ARHGAP26: variants seen among roughly 807,000 people sequenced by gnomAD.
ARHGAP26 encodes rho GTPase-activating protein 26.
A neutral mutation model predicts 104.8 loss-of-function variants in ARHGAP26; 38 were observed. The observed-to-expected ratio is 0.36, with a 90% confidence interval of 0.28 to 0.48. ARHGAP26 has a LOEUF of 0.48. Among genes scored for constraint, ARHGAP26 ranks in the 20% least tolerant of loss-of-function variants. The pLI, the probability that ARHGAP26 is intolerant of heterozygous loss-of-function variation, is 0.99. For missense variants in ARHGAP26, 704 were observed against 947.9 expected, an observed-to-expected ratio of 0.74 and a Z score of 3.38; for synonymous variants, 341 against 340.0, an observed-to-expected ratio of 1.00 and a Z score of -0.03.
intron 10 of ARHGAP26, among the ~76,000 whole-genome samples, chr5:142,925,718 C>T (rs1763814159): frequency 6.6e-6 from 1 of 152,186 alleles, no homozygotes; most frequent in African/African-American, 2.4e-5. Context: ...GCATAAGGGG[C>T]AGGTTTCAGA....
At chr5:143,195,480 GCCAATGCCCCTCAGC>G (rs1229093262) in intron 20 of ARHGAP26, among the ~76,000 whole-genome samples, 25 of 152,302 alleles carry the variant, frequency 1.6e-4, no homozygotes, top group African/African-American at 5.8e-4. Context: ...ATGCCAGAGA[GCCAATGCCCCTCAGC>G]CTGTGTTGTT....
At chr5:142,890,152 ATATATATATATATATAT>A (rs1203157666) in intron 5 of ARHGAP26, among the ~76,000 whole-genome samples, 242 of 21,950 alleles carry the variant, frequency 0.011, 18 homozygotes, top group African/African-American at 0.03. Flanking sequence ...AAAAAAAAAA[ATATATATATATATATAT>A]ATATATATAT....
intron 20 of ARHGAP26, among the ~76,000 whole-genome samples, chr5:143,184,531 C>T (rs1158397518): frequency 1.3e-5 from 2 of 152,132 alleles, no homozygotes; most frequent in East Asian, 3.9e-4. Flanking sequence ...TGCTATAATT[C>T]AGTGTTCAGA....
At chr5:142,805,262 C>T (rs954657159) in intron 1 of ARHGAP26, among the ~76,000 whole-genome samples, 19 of 152,180 alleles carry the variant, frequency 1.2e-4, no homozygotes, top group African/African-American at 4.6e-4. Flanking sequence ...GCCACCACAC[C>T]TGGCTAATTT....
intron 4 of ARHGAP26, among the ~76,000 whole-genome samples, chr5:142,885,068 A>G (rs1377957214): frequency 6.6e-6 from 1 of 152,158 alleles, no homozygotes; most frequent in Non-Finnish European, 1.5e-5. Context: ...CCACCATTAG[A>G]TATTCGTATT....
At chr5:143,149,101 C>T (rs1052356075) in intron 20 of ARHGAP26, among the ~76,000 whole-genome samples, 3 of 152,020 alleles carry the variant, frequency 2.0e-5, no homozygotes, top group South Asian at 2.1e-4. Flanking sequence ...TGTCTAGATA[C>T]GATTTATTTT....
chr5:143,173,230 G>A (rs761045529), intron 20 of ARHGAP26: 105 of 158,972 alleles, frequency 6.6e-4, no homozygotes, highest in Admixed American at 9.7e-4. Context: ...CACAAACAAG[G>A]AGAAAATAAA....
At position 142,770,737 on chromosome 5, in the gene ARHGAP26, C is replaced by A. The variant is rs1421349210; in HGVS notation, c.-25C>A. ...GGCCCGGGCCCCGGCGGAGGCGCGC[C>A]CCCCGGCTGGGCGCCGCGCGCACCA... On this transcript the variant is annotated 5_prime_UTR_variant, in exon 1 of 23. Coordinates refer to ENST00000645722, the MANE Select transcript of ARHGAP26 (RefSeq NM_001135608.3). 1.5e-6 allele frequency: 2 copies of A among 1,293,058 alleles called. No individual in the cohort carries two copies. Among genetic ancestry groups the A allele is most frequent in the Non-Finnish European group, 2.0e-6 (2 of 1,007,840 alleles). 80.1% of individuals were successfully genotyped at this position (1,293,058 alleles called of 1,614,324 possible).
At chr5:142,865,396 A>G (rs1007598111) in intron 1 of ARHGAP26, among the ~76,000 whole-genome samples, 3 of 151,928 alleles carry the variant, frequency 2.0e-5, no homozygotes, top group African/African-American at 4.8e-5. Context: ...TTGGAAATAC[A>G]TATGTATTTG....
chr5:143,075,765 C>A (rs149628408), intron 17 of ARHGAP26, among the ~76,000 whole-genome samples: 33 of 148,426 alleles, frequency 2.2e-4, no homozygotes, highest in Admixed American at 6.7e-4. Flanking sequence ...GTGGCGTGAT[C>A]TGAGCTAACT....
At chr5:142,989,770 G>A (rs573633662) in intron 11 of ARHGAP26, among the ~76,000 whole-genome samples, 2 of 152,310 alleles carry the variant, frequency 1.3e-5, no homozygotes, top group African/African-American at 4.8e-5. Flanking sequence ...CTTTAAGAAT[G>A]TTGAATATTG....
chr5:142,985,960 T>A (rs1774658136), intron 11 of ARHGAP26, among the ~76,000 whole-genome samples: 1 of 152,162 alleles, frequency 6.6e-6, no homozygotes, highest in Non-Finnish European at 1.5e-5. Context: ...AGTGCCGCAA[T>A]AAACATACGT....
intron 17 of ARHGAP26, among the ~76,000 whole-genome samples, chr5:143,060,609 A>T (rs954730994): frequency 6.6e-6 from 1 of 151,896 alleles, no homozygotes; most frequent in African/African-American, 2.4e-5. Flanking sequence ...GCTTAAATCT[A>T]CTATGATAAT....
rs1757563230 is a variant in ARHGAP26 at position 142,885,420 on chromosome 5, C to T, written c.486+21C>T. On this transcript the variant is annotated intron_variant, in intron 5 of 22. Transcript: ENST00000645722. ...AGGAGGTAAGAGACTTTATTAGTATCCTGAATAAAGTGTTCAATTTGTACA... is the reference window on the plus strand; with the variant it reads ...AGGAGGTAAGAGACTTTATTAGTATTCTGAATAAAGTGTTCAATTTGTACA... The T allele has an allele frequency of 2.5e-6, 4 of 1,581,288 alleles. No individual in the cohort carries two copies. In the African/African-American group the frequency reaches 5.4e-5, roughly 21 times the overall value.
At chr5:143,139,933 T>C (rs978687395) in intron 19 of ARHGAP26, among the ~76,000 whole-genome samples, 8 of 152,244 alleles carry the variant, frequency 5.3e-5, no homozygotes, top group African/African-American at 1.7e-4. Flanking sequence ...TTGTACCTTA[T>C]AGATTTCTTC....
intron 9 of ARHGAP26, among the ~76,000 whole-genome samples, chr5:142,912,051 C>T (rs1562065638): frequency 1.3e-5 from 2 of 152,150 alleles, no homozygotes; most frequent in African/African-American, 4.8e-5. Flanking sequence ...GCTAATTTCC[C>T]CTGTTAGTTT....
intron 1 of ARHGAP26, among the ~76,000 whole-genome samples, chr5:142,793,280 A>G (rs990648827): frequency 6.7e-4 from 51 of 76,218 alleles, no homozygotes; most frequent in African/African-American, 2.7e-3. Context: ...TTTTTAATCT[A>G]TCTTTCTTTA....
chr5:143,063,850 G>C (rs762331840), intron 17 of ARHGAP26, among the ~76,000 whole-genome samples: 1 of 152,172 alleles, frequency 6.6e-6, no homozygotes, highest in South Asian at 2.1e-4. Flanking sequence ...GCCTTTGCTT[G>C]TTCGTCTCTT....
intron 20 of ARHGAP26, among the ~76,000 whole-genome samples, chr5:143,194,572 T>C (rs1392012415): frequency 1.3e-5 from 2 of 151,672 alleles, no homozygotes; most frequent in Non-Finnish European, 2.9e-5. Context: ...ACCTCAGATT[T>C]GGAAAAAAAA....
Sources: gnomAD v4.1 joint callset for allele counts (sites outside exome capture counted in the v4.1 genomes callset) on GRCh38, gnomAD v4.1.1 for gene constraint, MANE v1.5 for transcripts, NCBI Gene and HGNC (gene_info 2026-07-23, HGNC 2026-07-21) for gene names.